The following OTULIN variants were observed in gnomAD, a reference collection of about 807,000 sequenced individuals.
The protein encoded by OTULIN is OTU deubiquitinase with linear linkage specificity, also known as ubiquitin thioesterase otulin.
Under a neutral mutation model 39.6 loss-of-function variants are expected in OTULIN, and 15 were observed. The ratio of observed to expected loss-of-function variants is 0.38; its 90% CI spans 0.25 to 0.58. OTULIN has a LOEUF of 0.58. Ranked by LOEUF, OTULIN falls within the 20% of genes least tolerant of loss-of-function variation. The pLI is 0.66. For missense variants in OTULIN, 319 were observed against 445.9 expected (o/e 0.72, Z 2.56); for synonymous variants, 156 against 170.3 (o/e 0.92, Z 0.65).
chr5:14,682,888 T>C (rs1329795245), intron 4 of OTULIN, among the ~76,000 whole-genome samples: 1 of 152,108 alleles, frequency 6.6e-6, no homozygotes, highest in African/African-American at 2.4e-5. Context: ...CAGATGGAAA[T>C]GTGGCCAGGA....
At chr5:14,711,429 C>A in the OTULIN span, 6 of 838,552 alleles carry the variant, frequency 7.2e-6, no homozygotes, top group African/African-American at 3.3e-5. Flanking sequence ...CTTAAACCTT[C>A]TTATGGTTGG....
chr5:14,692,526 T>G (rs1423229847), intron 6 of OTULIN, among the ~76,000 whole-genome samples: 4 of 152,234 alleles, frequency 2.6e-5, no homozygotes, highest in African/African-American at 4.8e-5. Flanking sequence ...TCTTGGTCAC[T>G]TGTATATCTT....
chr5:14,670,276 T>TTAA (rs1170817013), intron 1 of OTULIN, among the ~76,000 whole-genome samples: 1 of 152,242 alleles, frequency 6.6e-6, no homozygotes, highest in African/African-American at 2.4e-5. Context: ...ATTGTTTTAT[T>TTAA]ATCTTCCCAT....
the OTULIN span, chr5:14,707,904 A>T: frequency 6.6e-6 from 1 of 152,182 alleles, no homozygotes; most frequent in Non-Finnish European, 1.5e-5. Context: ...GCAGGCAGTC[A>T]TGGGGGATGA....
chr5:14,713,115 C>T, the OTULIN span: 285 of 825,956 alleles, frequency 3.5e-4, 1 homozygote, highest in African/African-American at 4.1e-3. This position sits in a 1 kb window ranked among gnomAD's most constrained non-coding sequence, Gnocchi z 4.4. Flanking sequence ...TCGTAAGGGC[C>T]GCAGCTAATA....
chr5:14,673,561 C>A, intron 1 of OTULIN, 81 bp from the exon 2 acceptor site: 1 of 1,175,666 alleles, frequency 8.5e-7, no homozygotes, highest in Non-Finnish European at 1.2e-6. Context: ...GTATATTATG[C>A]ATTTGTAAGC....
chr5:14,679,616 T>C (rs1736194494), intron 3 of OTULIN, among the ~76,000 whole-genome samples: 1 of 152,242 alleles, frequency 6.6e-6, no homozygotes, highest in Non-Finnish European at 1.5e-5. Context: ...CTTTAACTTT[T>C]TTTGGTTAGG....
At chr5:14,686,973 T>C (rs1300585005) in intron 4 of OTULIN, among the ~76,000 whole-genome samples, 1 of 152,244 alleles carries the variant, frequency 6.6e-6, no homozygotes, top group Non-Finnish European at 1.5e-5. Context: ...ATAGTATCAT[T>C]TCTCTGAATG....
At chr5:14,682,508 A>G (rs1426440862) in intron 4 of OTULIN, among the ~76,000 whole-genome samples, 1 of 152,198 alleles carries the variant, frequency 6.6e-6, no homozygotes, top group Non-Finnish European at 1.5e-5. Context: ...AAAAAATGAC[A>G]ATATGACATT....
At chr5:14,669,222 G>A (rs752080813) in intron 1 of OTULIN, among the ~76,000 whole-genome samples, 2 of 151,962 alleles carry the variant, frequency 1.3e-5, no homozygotes, top group Admixed American at 6.6e-5. Flanking sequence ...AAAATTAGCC[G>A]GGTGTGGTGG....
intron 1 of OTULIN, among the ~76,000 whole-genome samples, chr5:14,672,414 T>A (rs1259160762): frequency 1.3e-5 from 2 of 152,228 alleles, no homozygotes; most frequent in African/African-American, 4.8e-5. Flanking sequence ...CTTCTTCCTC[T>A]TTCCCCCAGC....
chr5:14,712,428 C>T, the OTULIN span, among the ~76,000 whole-genome samples: 1 of 152,274 alleles, frequency 6.6e-6, no homozygotes, highest in South Asian at 2.1e-4. Context: ...AGCTCTCGGA[C>T]TGCATCTCTG....
At chr5:14,713,031 T>C in the OTULIN span, 1 of 1,516,372 alleles carries the variant, frequency 6.6e-7, no homozygotes, top group Non-Finnish European at 9.0e-7. This position sits in a 1 kb window ranked among gnomAD's most constrained non-coding sequence, Gnocchi z 4.4. Flanking sequence ...GGCACAACCG[T>C]CGATGCCAAA....
At chr5:14,713,038 C>T in the OTULIN span, 1 of 1,477,722 alleles carries the variant, frequency 6.8e-7, no homozygotes, top group Non-Finnish European at 9.3e-7. The surrounding 1 kb of genome is among the most constrained non-coding windows in gnomAD (Gnocchi z 4.4). Flanking sequence ...CCGTCGATGC[C>T]AAAACCCAGG....
chr5:14,700,597 A>ACCCTCCGCGCTCC (rs1736776804), downstream of OTULIN, among the ~76,000 whole-genome samples: 1 of 72,864 alleles, frequency 1.4e-5, no homozygotes. Flanking sequence ...CTCTGTGCTC[A>ACCCTCCGCGCTCC]CCCTCCGCAT....
chr5:14,716,204 T>C, the OTULIN span, among the ~76,000 whole-genome samples: 28 of 152,200 alleles, frequency 1.8e-4, no homozygotes, highest in Non-Finnish European at 5.9e-5. Flanking sequence ...CACTGCACTT[T>C]TAAAAACAAG....
intron 1 of OTULIN, among the ~76,000 whole-genome samples, 169 bp from the exon 2 acceptor site, chr5:14,673,473 A>C (rs1736027392): frequency 6.6e-6 from 1 of 152,232 alleles, no homozygotes; most frequent in African/African-American, 2.4e-5. Context: ...TAGAAACATA[A>C]GCATCTTTAT....
the OTULIN span, chr5:14,705,297 ATC>A: frequency 6.6e-6 from 1 of 152,190 alleles, no homozygotes; most frequent in Admixed American, 6.5e-5. Flanking sequence ...AAAAAAAAAA[ATC>A]TAGATCACTG....
downstream of OTULIN, among the ~76,000 whole-genome samples, chr5:14,703,363 A>C (rs1736850536): frequency 8.4e-6 from 1 of 118,404 alleles, no homozygotes; most frequent in Admixed American, 9.2e-5. Context: ...AAAAAAAAAA[A>C]CTTAGAAGGA....
Sources: gnomAD v4.1 joint callset for allele counts (sites outside exome capture counted in the v4.1 genomes callset) on GRCh38, gnomAD v4.1.1 for gene constraint, Gnocchi (gnomAD v3.1) non-coding constraint, MANE v1.5 for transcripts, NCBI Gene and HGNC (gene_info 2026-07-23, HGNC 2026-07-21) for gene names.